SATB2: variants seen among roughly 807,000 people sequenced by gnomAD.
SATB2 encodes the protein SATB homeobox 2, also known as DNA-binding protein SATB2.
A neutral mutation model predicts 73.4 loss-of-function variants in SATB2; 1 was observed. That is an observed-to-expected ratio of 0.01 (90% CI 0.00 to 0.06). The LOEUF is 0.06. SATB2 is among the 10% of genes least tolerant of loss of function. The pLI, the probability that SATB2 is intolerant of heterozygous loss-of-function variation, is 1.00. For missense variants in SATB2, 459 were observed against 945.8 expected, an observed-to-expected ratio of 0.49 and a Z score of 6.75; for synonymous variants, 397 against 367.0, an observed-to-expected ratio of 1.08 and a Z score of -0.93.
chr2:199,325,567 G>A (rs1688006393), intron 8 of SATB2: 1 of 152,142 alleles, frequency 6.6e-6, no homozygotes, highest in African/African-American at 2.4e-5. Flanking sequence ...AAAATTTCTA[G>A]TTAACCCACA....
chr2:199,272,352 A>G lies in SATB2; in HGVS notation c.2061T>C (p.Ala687=), dbSNP rs2105706760. The part of the protein sequence containing the change: ...KEHLGSAVDV[A]EYKDEELLTE... Reference sequence around the variant, plus strand: ...TCAGCAGCTCCTCGTCCTTATATTCAGCCACGTCCACCGCGGAGCCCAGGT... The same window carrying G: ...TCAGCAGCTCCTCGTCCTTATATTCGGCCACGTCCACCGCGGAGCCCAGGT... Residue 687 remains alanine, a synonymous_variant, in exon 11 of 11, where the codon GCT becomes GCC. Coordinates refer to ENST00000417098, the MANE Select transcript of SATB2 (RefSeq NM_001172509.2). This position sits in a 1 kb window ranked among gnomAD's most constrained non-coding sequence, Gnocchi z 6.7. 2 of 1,614,106 alleles carry G rather than the reference A, an allele frequency of 1.2e-6. No individual in the cohort carries two copies. The highest frequency in any genetic ancestry group is 8.5e-7 in the Non-Finnish European group (1 of 1,180,022).
Position 199,433,323 on chromosome 2 carries a change from G to A in SATB2, c.346+15C>T, listed in dbSNP as rs1389213053. On this transcript the variant is annotated intron_variant, in intron 3 of 10. Coordinates refer to ENST00000417098, the MANE Select transcript of SATB2 (RefSeq NM_001172509.2). ...ACACAAGAGACTTGGGAGGAGAGGG[G>A]AGAGGCATTAATACCTTGGGCCTGG... is the stretch of plus-strand genomic sequence containing the variant. 5.0e-6 allele frequency: 8 copies of A among 1,611,408 alleles called. No homozygotes were observed. The Admixed American group carries it at 5.0e-5, about 10-fold the overall frequency.
chr2:199,433,482 G>C lies in SATB2; in HGVS notation c.202C>G (p.Gln68Glu). The C allele has an allele frequency of 6.2e-7, 1 of 1,614,060 alleles. No individual in the cohort carries two copies. The highest frequency in any genetic ancestry group is 8.5e-7 in the Non-Finnish European group (1 of 1,179,992). Residue 68 changes from glutamine to glutamate, a missense_variant, in exon 3 of 11, where the codon CAG becomes GAG. Physicochemically the swap from Gln to Glu is conservative, Grantham distance 29. Transcript: ENST00000417098. The part of the protein sequence containing the change: ...LMIPVFCVVE[Q>E]LDGSLEYDNR... ...TCATATTCAAGAGAGCCGTCCAACTGCTCCACGACACAAAAGACAGGAATC... is the reference window on the plus strand; with the variant it reads ...TCATATTCAAGAGAGCCGTCCAACTCCTCCACGACACAAAAGACAGGAATC...
In SATB2 at chr2:199,463,511, G is replaced by T. The variant is rs1388276625; in HGVS notation, c.-141+1325C>A. 6.6e-6 allele frequency among the ~76,000 whole-genome samples: 1 copy of T among 152,158 alleles called. No homozygotes were observed. The highest frequency in any genetic ancestry group is 1.5e-5 in the Non-Finnish European group (1 of 68,032). ...TTGGCGTCAATGTCCCGCCACCCTC[G>T]AGCCCGGGTCACTGCCCGGGTCCCG... is the stretch of plus-strand genomic sequence containing the variant. On this transcript the variant is annotated intron_variant, in intron 1 of 11. Transcript: ENST00000260926. This position sits in a 1 kb window ranked among gnomAD's most constrained non-coding sequence, Gnocchi z 6.4.
chr2:199,309,242 C>A (rs572869634), intron 9 of SATB2, among the ~76,000 whole-genome samples: 1 of 152,302 alleles, frequency 6.6e-6, no homozygotes, highest in Admixed American at 6.5e-5. Flanking sequence ...AGATTATAGT[C>A]ATCTGTTCTC....
In SATB2 at chr2:199,387,818, A is replaced by G. The variant is rs533142039; in HGVS notation, c.347-5998T>C. Among the ~76,000 whole-genome samples the G allele has an allele frequency of 2.6e-5, 4 of 152,334 alleles. No individual in the cohort carries two copies. In the East Asian group the frequency reaches 7.7e-4, roughly 29 times the overall value. The stretch of plus-strand genomic sequence containing the variant: ...TTTCCCATTAGTGATATAAAATTAG[A>G]TTGGGAATGGAGGCAATTTTTGTCT... On this transcript the variant is annotated intron_variant, in intron 3 of 10. Transcript: ENST00000417098.
At chr2:199,447,254 C>A (rs1691991534) in intron 2 of SATB2, among the ~76,000 whole-genome samples, 1 of 152,142 alleles carries the variant, frequency 6.6e-6, no homozygotes. Context: ...GGAATGAGAG[C>A]CAGAGTCTCA....
At chr2:199,440,902 G>C (rs1691796071) in intron 2 of SATB2, among the ~76,000 whole-genome samples, 1 of 150,546 alleles carries the variant, frequency 6.6e-6, no homozygotes, top group Non-Finnish European at 1.5e-5. Context: ...CCAGGCTGGA[G>C]TGCAATGGTG....
At chr2:199,451,224 T>C (rs1692113740) in intron 2 of SATB2, among the ~76,000 whole-genome samples, 1 of 152,140 alleles carries the variant, frequency 6.6e-6, no homozygotes, top group African/African-American at 2.4e-5. Flanking sequence ...CATCAAATTA[T>C]GCTCAGGACT....
chr2:199,279,102 T>C (rs981603847), intron 10 of SATB2, among the ~76,000 whole-genome samples: 2 of 152,202 alleles, frequency 1.3e-5, no homozygotes, highest in Non-Finnish European at 2.9e-5. Context: ...TGGGCTGAAA[T>C]GTGACACATA....
intron 6 of SATB2, among the ~76,000 whole-genome samples, chr2:199,355,076 C>G (rs1558998820): frequency 2.0e-5 from 3 of 151,624 alleles, no homozygotes; most frequent in Non-Finnish European, 4.4e-5. Flanking sequence ...ATCCAGGAAG[C>G]CAGGTATTTA....
At chr2:199,417,050 A>T (rs1323454513) in intron 3 of SATB2, among the ~76,000 whole-genome samples, 48 of 147,872 alleles carry the variant, frequency 3.2e-4, no homozygotes, top group Non-Finnish European at 6.4e-4. Context: ...ACACACACAC[A>T]CACACACACA....
chr2:199,362,153 T>C (rs908338024), intron 6 of SATB2, among the ~76,000 whole-genome samples: 2 of 152,176 alleles, frequency 1.3e-5, no homozygotes, highest in Admixed American at 1.3e-4. Flanking sequence ...TGTTATATTA[T>C]AGTATCAGGA....
chr2:199,344,619 A>G (rs1688598565), intron 7 of SATB2, among the ~76,000 whole-genome samples: 1 of 152,142 alleles, frequency 6.6e-6, no homozygotes, highest in Non-Finnish European at 1.5e-5. Context: ...CCAAACCTCA[A>G]ACAGTCCCAC....
chr2:199,421,288 C>T (rs1284370032), intron 3 of SATB2, among the ~76,000 whole-genome samples: 1 of 152,160 alleles, frequency 6.6e-6, no homozygotes, highest in Non-Finnish European at 1.5e-5. Flanking sequence ...AGATGCTTAT[C>T]TCTTTTCCAT....
intron 7 of SATB2, among the ~76,000 whole-genome samples, chr2:199,341,087 C>T (rs1688493167): frequency 6.6e-6 from 1 of 152,178 alleles, no homozygotes; most frequent in Admixed American, 6.5e-5. Flanking sequence ...TGTCATAAAC[C>T]TTTCCATACT....
At chr2:199,458,717 T>G (rs1156551183), upstream of SATB2, 1 of 435,236 alleles carries the variant, frequency 2.3e-6, no homozygotes, top group African/African-American at 2.1e-5. Flanking sequence ...CGCGGAGTAC[T>G]TTCGACTTTG....
chr2:199,405,285 T>C (rs796399989), intron 3 of SATB2, among the ~76,000 whole-genome samples: 6 of 152,148 alleles, frequency 3.9e-5, no homozygotes, highest in Non-Finnish European at 7.4e-5. Flanking sequence ...CTGCATAATA[T>C]TGGTTTCATC....
chr2:199,309,002 G>A, intron 9 of SATB2, 45 bp from the exon 10 acceptor site: 1 of 1,503,380 alleles, frequency 6.7e-7, no homozygotes, highest in Non-Finnish European at 9.2e-7. Context: ...AGAGTGTAGA[G>A]GAGCTGAGGG....
Sources: allele counts gnomAD v4.1 joint callset (sites outside exome capture counted in the v4.1 genomes callset), GRCh38; gene constraint gnomAD v4.1.1; non-coding constraint Gnocchi (gnomAD v3.1); transcripts MANE v1.5; gene names NCBI Gene and HGNC (gene_info 2026-07-23, HGNC 2026-07-21).